Variants in GALNT13 observed in about 807,000 individuals in gnomAD.
GALNT13 encodes the protein UDP-GalNAc:polypeptide N-acetylgalactosaminyltransferase 13.
A neutral mutation model predicts 64.2 loss-of-function variants in GALNT13; 28 were observed. The ratio of observed to expected loss-of-function variants is 0.44; its 90% CI spans 0.32 to 0.60. The LOEUF is 0.60. Among genes scored for constraint, GALNT13 ranks in the 20% least tolerant of loss-of-function variants. GALNT13 has a pLI of 0.05. For synonymous variants in GALNT13, 214 were observed against 224.6 expected, an observed-to-expected ratio of 0.95 and a Z score of 0.42; for missense variants, 577 against 669.8, an observed-to-expected ratio of 0.86 and a Z score of 1.53.
At chr2:153,076,886 G>A in the GALNT13 span, among the ~76,000 whole-genome samples, 4 of 150,698 alleles carry the variant, frequency 2.7e-5, no homozygotes, top group African/African-American at 4.9e-5. Context: ...TCTTTTTCAG[G>A]GCTATTCTGA....
the GALNT13 span, among the ~76,000 whole-genome samples, chr2:153,201,343 C>T: frequency 6.6e-6 from 1 of 152,254 alleles, no homozygotes; most frequent in South Asian, 2.1e-4. Flanking sequence ...TCTATTCTGA[C>T]AACGTGTCCA....
intron 1 of GALNT13, among the ~76,000 whole-genome samples, chr2:153,879,802 A>C (rs1342770840): frequency 2.0e-5 from 3 of 152,172 alleles, no homozygotes; most frequent in Non-Finnish European, 4.4e-5. Flanking sequence ...TCGAGTTGGA[A>C]AATTTTTAAA....
At chr2:154,057,951 T>G (rs1224082756) in intron 3 of GALNT13, among the ~76,000 whole-genome samples, 1 of 152,234 alleles carries the variant, frequency 6.6e-6, no homozygotes, top group Non-Finnish European at 1.5e-5. Context: ...TAATATTTAT[T>G]GAACAGCTGC....
At chr2:154,040,771 G>A (rs961923626) in intron 3 of GALNT13, among the ~76,000 whole-genome samples, 16 of 139,900 alleles carry the variant, frequency 1.1e-4, no homozygotes, top group Admixed American at 6.5e-4. Flanking sequence ...TTATTGAACT[G>A]GGAAAATGAT....
At chr2:154,234,167 G>A (rs1448180998) in intron 4 of GALNT13, among the ~76,000 whole-genome samples, 2 of 152,068 alleles carry the variant, frequency 1.3e-5, no homozygotes, top group Non-Finnish European at 2.9e-5. Context: ...TTTGACCACA[G>A]AAATTAAAGA....
At chr2:154,307,255 G>A (rs539885833) in intron 9 of GALNT13, among the ~76,000 whole-genome samples, 1 of 152,034 alleles carries the variant, frequency 6.6e-6, no homozygotes, top group East Asian at 1.9e-4. Context: ...TACCCTCCAG[G>A]GCTAATACAA....
chr2:154,125,631 T>A (rs1485743475), intron 3 of GALNT13, among the ~76,000 whole-genome samples: 1 of 152,182 alleles, frequency 6.6e-6, no homozygotes, highest in Admixed American at 6.5e-5. Context: ...TAAGTCATTC[T>A]CATTAGATGG....
intron 11 of GALNT13, among the ~76,000 whole-genome samples, chr2:154,423,182 A>G (rs1032178774): frequency 1.3e-5 from 2 of 148,906 alleles, no homozygotes; most frequent in African/African-American, 2.5e-5. Context: ...CTGTCTTGTG[A>G]TAGTTTGCTG....
intron 4 of GALNT13, among the ~76,000 whole-genome samples, chr2:154,141,129 T>C (rs1683233475): frequency 6.6e-6 from 1 of 152,128 alleles, no homozygotes; most frequent in Non-Finnish European, 1.5e-5. Context: ...GTATAGGTCA[T>C]GTAACATGAA....
intron 9 of GALNT13, among the ~76,000 whole-genome samples, chr2:154,367,757 T>C (rs115076725): frequency 0.013 from 2,008 of 152,302 alleles, 25 homozygotes; most frequent in Non-Finnish European, 0.021. Flanking sequence ...AATTTCTCTA[T>C]TGATAAAGAG....
Position 154,357,738 on chromosome 2 carries a change from C to A in GALNT13, c.1157-38253C>A, listed in dbSNP as rs542736056. On this transcript the variant is annotated intron_variant, in intron 9 of 12. Transcript: ENST00000392825. ...GATAGTCATGATACTCATTTATATCCCAGTATCAGTCACATTTGACATTCA... is the reference window on the plus strand; with the variant it reads ...GATAGTCATGATACTCATTTATATCACAGTATCAGTCACATTTGACATTCA... Among the ~76,000 whole-genome samples the A allele has an allele frequency of 2.0e-5, 3 of 151,990 alleles. No homozygotes were observed. The South Asian group carries it at 6.2e-4, about 32-fold the overall frequency.
the GALNT13 span, among the ~76,000 whole-genome samples, chr2:153,458,491 T>C: frequency 4.6e-5 from 7 of 152,150 alleles, no homozygotes; most frequent in Non-Finnish European, 1.0e-4. Flanking sequence ...TCTTTCTTTT[T>C]CCCTCAGTTT....
intron 1 of GALNT13, among the ~76,000 whole-genome samples, chr2:153,874,166 TGTTC>T (rs1213485552): frequency 6.8e-6 from 1 of 146,616 alleles, no homozygotes; most frequent in Non-Finnish European, 1.5e-5. Flanking sequence ...ATTGAAACCC[TGTTC>T]GTTTGATTTG....
the GALNT13 span, among the ~76,000 whole-genome samples, chr2:153,304,195 A>G: frequency 1.7e-5 from 2 of 120,118 alleles, no homozygotes; most frequent in Admixed American, 8.2e-5. Flanking sequence ...ACAAGTAACT[A>G]TGGCACACCA....
At chr2:153,701,650 A>G in the GALNT13 span, among the ~76,000 whole-genome samples, 1 of 152,188 alleles carries the variant, frequency 6.6e-6, no homozygotes. Flanking sequence ...AGAACAAACA[A>G]TCCCATCGAA....
chr2:153,642,756 C>T, the GALNT13 span, among the ~76,000 whole-genome samples: 3 of 151,738 alleles, frequency 2.0e-5, no homozygotes, highest in East Asian at 5.8e-4. Flanking sequence ...AAAATTTGAA[C>T]CCACAATTAA....
intron 3 of GALNT13, among the ~76,000 whole-genome samples, chr2:153,966,613 C>T (rs1693374087): frequency 6.6e-6 from 1 of 152,030 alleles, no homozygotes; most frequent in South Asian, 2.1e-4. Context: ...CGTGATCCGC[C>T]CGCCTCGGCC....
chr2:153,375,107 G>A, the GALNT13 span, among the ~76,000 whole-genome samples: 2 of 152,020 alleles, frequency 1.3e-5, no homozygotes, highest in Non-Finnish European at 2.9e-5. Context: ...AGGCTATTGC[G>A]ATGCACATAT....
intron 4 of GALNT13, among the ~76,000 whole-genome samples, chr2:154,172,064 T>A (rs1480657940): frequency 1.3e-5 from 2 of 151,932 alleles, no homozygotes. Context: ...AATATGAATC[T>A]GGATTCCTGA....
Sources: gnomAD v4.1 joint callset for allele counts (sites outside exome capture counted in the v4.1 genomes callset) on GRCh38, gnomAD v4.1.1 for gene constraint, MANE v1.5 for transcripts, NCBI Gene and HGNC (gene_info 2026-07-23, HGNC 2026-07-21) for gene names.